The following FTO variants were observed in gnomAD, a reference collection of about 807,000 sequenced individuals.
FTO encodes the protein alpha-ketoglutarate-dependent dioxygenase FTO.
FTO carries 47 observed loss-of-function variants against 63.9 expected under a neutral mutation model. That is an observed-to-expected ratio of 0.74 (90% CI 0.58 to 0.94). The LOEUF (loss-of-function observed/expected upper bound fraction) is 0.94. Among genes scored for constraint, FTO ranks in the 40% least tolerant of loss-of-function variants. The pLI is 0.00. For missense variants in FTO, 562 were observed against 618.1 expected (o/e 0.91, Z 0.96); for synonymous variants, 207 against 224.4 (o/e 0.92, Z 0.69).
intron 7 of FTO, among the ~76,000 whole-genome samples, chr16:53,897,140 A>T (rs1329114044): frequency 6.6e-6 from 1 of 152,156 alleles, no homozygotes; most frequent in Non-Finnish European, 1.5e-5. Context: ...GATTATTTGT[A>T]GATGATATTT....
intron 8 of FTO, among the ~76,000 whole-genome samples, chr16:54,092,462 G>A (rs1381605793): frequency 6.6e-6 from 1 of 152,140 alleles, no homozygotes; most frequent in Non-Finnish European, 1.5e-5. Flanking sequence ...CCCAAGAACA[G>A]AGTCTCTACC....
chr16:53,839,814 TA>T (rs777739326), intron 3 of FTO, among the ~76,000 whole-genome samples: 6,833 of 61,404 alleles, frequency 0.11, 384 homozygotes, highest in East Asian at 0.49. Context: ...TTTATTTATT[TA>T]TTTATTTTAA....
At chr16:53,982,735 G>A (rs545721144) in intron 8 of FTO, among the ~76,000 whole-genome samples, 1 of 152,304 alleles carries the variant, frequency 6.6e-6, no homozygotes, top group South Asian at 2.1e-4. Flanking sequence ...CAAATGAGGA[G>A]CTGGTGAGAA....
intron 8 of FTO, among the ~76,000 whole-genome samples, chr16:53,972,526 TAA>T (rs2083348413): frequency 6.6e-6 from 1 of 152,210 alleles, no homozygotes; most frequent in African/African-American, 2.4e-5. Context: ...AAATTGGTAA[TAA>T]TATGTAGTTA....
intron 7 of FTO, among the ~76,000 whole-genome samples, chr16:53,931,864 T>C (rs2082291471): frequency 7.6e-6 from 1 of 131,190 alleles, no homozygotes; most frequent in South Asian, 2.4e-4. Flanking sequence ...AATCAGTTTT[T>C]ACATTAAACA....
intron 8 of FTO, among the ~76,000 whole-genome samples, chr16:53,984,287 A>G (rs550238713): frequency 4.6e-5 from 6 of 131,450 alleles, no homozygotes; most frequent in African/African-American, 1.2e-4. Flanking sequence ...CAAAGTAATT[A>G]CTTTCCCTCC....
chr16:54,018,784 C>T (rs2084521158), intron 8 of FTO, among the ~76,000 whole-genome samples: 1 of 152,162 alleles, frequency 6.6e-6, no homozygotes, highest in African/African-American at 2.4e-5. Context: ...TTTCCTGAGG[C>T]CTCCCAAGTC....
chr16:54,013,651 C>T (rs556821618), intron 8 of FTO: 26 of 152,336 alleles, frequency 1.7e-4, no homozygotes, highest in Admixed American at 6.5e-4. Flanking sequence ...ACCACCACCC[C>T]AATCCATCAG....
chr16:54,111,953 C>CGGCTT lies in FTO; in HGVS notation c.*39_*43dup. 1.2e-6 allele frequency: 2 copies of CGGCTT among 1,612,244 alleles called. No homozygotes were observed. The highest frequency in any genetic ancestry group is 1.7e-6 in the Non-Finnish European group (2 of 1,178,858). On this transcript the variant is annotated 3_prime_UTR_variant, in exon 9 of 9. Transcript: ENST00000471389. ...TCTCAGGCGGAGGAGAAAAAGAGATCGGCTTTTCTCCTCCAACGTTGTCAT... is the reference window on the plus strand; with the variant it reads ...TCTCAGGCGGAGGAGAAAAAGAGATCGGCTTGGCTTTTCTCCTCCAACGTTGTCAT...
chr16:53,845,647 A>G (rs1186255169), intron 4 of FTO, among the ~76,000 whole-genome samples: 1 of 152,234 alleles, frequency 6.6e-6, no homozygotes, highest in Non-Finnish European at 1.5e-5. Context: ...AGGGCTTTAG[A>G]AATATAAATA....
chr16:53,905,593 T>C (rs766964879), intron 7 of FTO, among the ~76,000 whole-genome samples: 3 of 152,224 alleles, frequency 2.0e-5, no homozygotes, highest in Non-Finnish European at 4.4e-5. Context: ...ATGCTTTCCA[T>C]TCAGTTCTCT....
At chr16:53,951,757 ATATTGGATCCATGGTTTTCAACTAATAT>A (rs1191116570) in intron 8 of FTO, among the ~76,000 whole-genome samples, 1 of 152,106 alleles carries the variant, frequency 6.6e-6, no homozygotes, top group Non-Finnish European at 1.5e-5. Context: ...CATAATTAGA[ATATTGGATCCATGGTTTTCAACTAATAT>A]TATTGAGGAC....
intron 7 of FTO, among the ~76,000 whole-genome samples, chr16:53,915,869 A>T (rs1053258412): frequency 2.0e-5 from 3 of 152,228 alleles, no homozygotes; most frequent in African/African-American, 7.2e-5. Flanking sequence ...TGTCTGTCTG[A>T]GATGAGCCAA....
intron 4 of FTO, among the ~76,000 whole-genome samples, chr16:53,849,930 C>T (rs928105703): frequency 6.6e-6 from 1 of 152,176 alleles, no homozygotes; most frequent in Non-Finnish European, 1.5e-5. Context: ...AAGGAAAAAG[C>T]TTTTGTTATT....
At chr16:53,727,517 G>A (rs1241666459) in intron 1 of FTO, among the ~76,000 whole-genome samples, 1 of 152,186 alleles carries the variant, frequency 6.6e-6, no homozygotes, top group Non-Finnish European at 1.5e-5. Context: ...TAACAGGTCA[G>A]TCTTATGCAA....
chr16:53,950,155 T>TAAAAAAAAAAAAAAAAAACAAAACAAAAA (rs2082741554), intron 8 of FTO, among the ~76,000 whole-genome samples: 1 of 50,620 alleles, frequency 2.0e-5, no homozygotes, highest in Non-Finnish European at 4.4e-5. Context: ...TTCACATTTG[T>TAAAAAAAAAAAAAAAAAACAAAACAAAAA]AAAAAAAAAA....
chr16:53,802,656 C>T (rs1308955006), intron 1 of FTO, among the ~76,000 whole-genome samples: 3 of 152,180 alleles, frequency 2.0e-5, no homozygotes, highest in African/African-American at 7.2e-5. Context: ...TCTCTCCTTT[C>T]CTTTGGTAAC....
chr16:53,704,022 G>T, upstream of FTO: 1 of 764,808 alleles, frequency 1.3e-6, no homozygotes. Flanking sequence ...CGTGGCGCTC[G>T]CGGGTGTCGC....
chr16:53,849,744 A>C, intron 4 of FTO, among the ~76,000 whole-genome samples: 1 of 152,162 alleles, frequency 6.6e-6, no homozygotes. Flanking sequence ...CTGTTTTTTG[A>C]CTCAACATGG....
Sources: gnomAD v4.1 joint callset for allele counts (sites outside exome capture counted in the v4.1 genomes callset) on GRCh38, gnomAD v4.1.1 for gene constraint, MANE v1.5 for transcripts, NCBI Gene and HGNC (gene_info 2026-07-23, HGNC 2026-07-21) for gene names.